The following SPATA13 variants were observed in gnomAD, a reference collection of about 807,000 sequenced individuals.
SPATA13 encodes the protein spermatogenesis-associated protein 13.
SPATA13 carries 50 observed loss-of-function variants against 104.0 expected under a neutral mutation model. The observed-to-expected ratio is 0.48, with a 90% confidence interval of 0.38 to 0.61. The LOEUF (loss-of-function observed/expected upper bound fraction) is 0.61. Among genes scored for constraint, SPATA13 ranks in the 20% least tolerant of loss-of-function variants. The pLI, the probability that SPATA13 is intolerant of heterozygous loss-of-function variation, is 0.00. For missense variants in SPATA13, 1,524 were observed against 1,690.6 expected (o/e 0.90, Z 1.73); for synonymous variants, 606 against 667.5 (o/e 0.91, Z 1.42).
chr13:24,076,597 G>A (rs1033635973), intron 3 of SPATA13, among the ~76,000 whole-genome samples: 4 of 151,574 alleles, frequency 2.6e-5, no homozygotes, highest in Non-Finnish European at 4.4e-5. Context: ...GGCCACTGAG[G>A]GTCTTGTGGC....
At chr13:24,168,328 C>A (rs1336922964) in intron 1 of SPATA13, among the ~76,000 whole-genome samples, 1 of 152,138 alleles carries the variant, frequency 6.6e-6, no homozygotes, top group Non-Finnish European at 1.5e-5. Context: ...TAATGACATA[C>A]ATGAAAAATA....
chr13:24,062,151 T>C (rs1878792934), intron 3 of SPATA13, among the ~76,000 whole-genome samples: 1 of 152,240 alleles, frequency 6.6e-6, no homozygotes, highest in Non-Finnish European at 1.5e-5. Context: ...AACAGGTCTG[T>C]TTGCATCTCA....
chr13:24,110,054 ACATGT>A lies in SPATA13; in HGVS notation c.-112+92357_-112+92361del, dbSNP rs944156088. On this transcript the variant is annotated intron_variant, in intron 3 of 14. Coordinates refer to the SPATA13 transcript ENST00000424834. ...TTAGAATTGCAAATTTGGCAGCGGG[ACATGT>A]CATTTTGTTTCCATTTTTGGCTGAC... 2.7e-4 allele frequency among the ~76,000 whole-genome samples: 41 copies of A among 149,802 alleles called. 1 individual carries two copies. The highest frequency in any genetic ancestry group is 3.0e-5 in the Non-Finnish European group (2 of 67,636).
intron 3 of SPATA13, among the ~76,000 whole-genome samples, chr13:24,021,861 G>A (rs1369392811): frequency 1.3e-5 from 2 of 151,526 alleles, no homozygotes; most frequent in Non-Finnish European, 2.9e-5. Context: ...ACAGGCGCCC[G>A]CCACCACGCC....
At chr13:24,218,435 A>G (rs1871377276) in intron 1 of SPATA13, among the ~76,000 whole-genome samples, 1 of 152,118 alleles carries the variant, frequency 6.6e-6, no homozygotes, top group South Asian at 2.1e-4. Context: ...CAGCAATGGT[A>G]GTAAGCTACT....
chr13:24,085,245 C>A (rs527293001), intron 3 of SPATA13, among the ~76,000 whole-genome samples: 177 of 152,288 alleles, frequency 1.2e-3, no homozygotes, highest in African/African-American at 4.1e-3. Flanking sequence ...GCCTCAGCCT[C>A]CCAAGTAGCT....
chr13:24,134,534 G>A (rs1881494247), intron 3 of SPATA13, among the ~76,000 whole-genome samples: 1 of 152,136 alleles, frequency 6.6e-6, no homozygotes, highest in African/African-American at 2.4e-5. Context: ...CATCCCAATG[G>A]GAAATGCTTC....
chr13:24,096,110 C>CT (rs1880071380), intron 3 of SPATA13, among the ~76,000 whole-genome samples: 1 of 152,184 alleles, frequency 6.6e-6, no homozygotes, highest in Non-Finnish European at 1.5e-5. Flanking sequence ...TGTTGTGATG[C>CT]TTTTTTCAGT....
At chr13:24,102,953 A>G (rs1288292304) in intron 3 of SPATA13, among the ~76,000 whole-genome samples, 1 of 152,184 alleles carries the variant, frequency 6.6e-6, no homozygotes, top group Admixed American at 6.5e-5. Flanking sequence ...TGAGCTGATT[A>G]TATGGTGTAA....
chr13:24,237,879 TC>T (rs1566166822), intron 2 of SPATA13, among the ~76,000 whole-genome samples: 2 of 89,058 alleles, frequency 2.2e-5, no homozygotes, highest in African/African-American at 8.0e-5. Flanking sequence ...ATAATATATA[TC>T]ATTTATAATA....
chr13:24,124,933 C>T (rs971106943), intron 3 of SPATA13, among the ~76,000 whole-genome samples: 3 of 152,168 alleles, frequency 2.0e-5, no homozygotes, highest in African/African-American at 7.2e-5. Flanking sequence ...AACCAAGTCT[C>T]ATTCAGGTCA....
At chr13:24,224,698 T>G (rs114321066) in intron 2 of SPATA13, 116 bp downstream of exon 2, 1 of 1,100,126 alleles carries the variant, frequency 9.1e-7, no homozygotes, top group East Asian at 2.6e-5. Flanking sequence ...GCTGACCTTG[T>G]TGCCCTTACA....
chr13:24,103,040 A>G (rs567401629), intron 3 of SPATA13, among the ~76,000 whole-genome samples: 34 of 152,324 alleles, frequency 2.2e-4, no homozygotes, highest in African/African-American at 7.9e-4. Context: ...GATGAGTTAA[A>G]CAATTTTTTA....
At chr13:24,099,991 C>T (rs532932034) in intron 3 of SPATA13, among the ~76,000 whole-genome samples, 241 of 152,282 alleles carry the variant, frequency 1.6e-3, no homozygotes, top group Middle Eastern at 3.4e-3. Context: ...CCAGGGTCCA[C>T]GGAGGGGCTT....
intron 1 of SPATA13, among the ~76,000 whole-genome samples, chr13:24,185,957 G>A (rs1007992475): frequency 1.3e-5 from 2 of 152,106 alleles, no homozygotes; most frequent in Non-Finnish European, 2.9e-5. Context: ...GCAATCTTAA[G>A]GCCAAATTTC....
At chr13:24,018,752 G>T (rs1241596884) in intron 3 of SPATA13, among the ~76,000 whole-genome samples, 2 of 151,966 alleles carry the variant, frequency 1.3e-5, no homozygotes, top group Non-Finnish European at 2.9e-5. Context: ...CATTTTTTTT[G>T]AAATTTTTAA....
Position 24,223,784 on chromosome 13 carries a change from A to G in SPATA13, c.855A>G (p.Val285=), listed in dbSNP as rs1871753852. 6.4e-7 allele frequency: 1 copy of G among 1,551,820 alleles called. No individual in the cohort carries two copies. The highest frequency in any genetic ancestry group is 2.0e-5 in the Admixed American group (1 of 51,006). Residue 285 remains valine, a synonymous_variant, in exon 2 of 13, where the codon GTA becomes GTG. Transcript: ENST00000382108. ...TCAGGACGGCCCATGACGCACGGGT[A>G]CCACAGAGGACCCTGAGCAGTTCCT... ...ADLRTAHDAR[V]PQRTLSSSST... is the part of the protein sequence containing the mutation.
rs775197284 is a variant in SPATA13 at position 24,297,353 on chromosome 13, A to G, written c.3211-10A>G. ...TTGGAAGGTCTTAAGATGTGTTTTC[A>G]TCCTTCCAGGGACTGGATATCTTAG... On this transcript the variant is annotated splice_polypyrimidine_tract_variant and intron_variant, in intron 10 of 12. Transcript: ENST00000382108. The G allele has an allele frequency of 1.3e-6, 2 of 1,599,064 alleles. No individual in the cohort carries two copies. The highest frequency in any genetic ancestry group is 1.7e-6 in the Non-Finnish European group (2 of 1,172,162).
At chr13:24,236,437 A>T (rs1033594910) in intron 2 of SPATA13, among the ~76,000 whole-genome samples, 4 of 151,068 alleles carry the variant, frequency 2.6e-5, no homozygotes, top group African/African-American at 7.3e-5. Context: ...CTAAAAATAT[A>T]AAAAAAAATT....
Sources: gnomAD v4.1 joint callset for allele counts (sites outside exome capture counted in the v4.1 genomes callset) on GRCh38, gnomAD v4.1.1 for gene constraint, MANE v1.5 for transcripts, NCBI Gene and HGNC (gene_info 2026-07-23, HGNC 2026-07-21) for gene names.